Variants in AUTS2 observed in about 807,000 individuals in gnomAD.
AUTS2 encodes the protein activator of transcription and developmental regulator AUTS2.
Under a neutral mutation model 112.4 loss-of-function variants are expected in AUTS2, and 17 were observed. The observed-to-expected ratio is 0.15, with a 90% CI of 0.10 to 0.23. The LOEUF is 0.23. AUTS2 is among the 10% of genes least tolerant of loss of function. AUTS2 has a pLI of 1.00. For synonymous variants in AUTS2, 751 were observed against 702.7 expected (o/e 1.07, Z -1.09); for missense variants, 1,510 against 1,701.6 (o/e 0.89, Z 1.98).
intron 5 of AUTS2, among the ~76,000 whole-genome samples, chr7:70,656,882 A>G (rs988679323): frequency 4.0e-5 from 6 of 150,794 alleles, no homozygotes; most frequent in African/African-American, 1.5e-4. Context: ...TGCAAATGTC[A>G]CTCACATCCT....
chr7:70,355,610 T>G (rs1791971343), intron 4 of AUTS2, among the ~76,000 whole-genome samples: 1 of 152,046 alleles, frequency 6.6e-6, no homozygotes, highest in Non-Finnish European at 1.5e-5. Flanking sequence ...GCCCCTCTGT[T>G]AAGCACTTCT....
intron 5 of AUTS2, among the ~76,000 whole-genome samples, chr7:70,552,918 T>A (rs976390745): frequency 6.6e-6 from 1 of 152,222 alleles, no homozygotes; most frequent in Non-Finnish European, 1.5e-5. Flanking sequence ...ACCATCTGAA[T>A]AATCAAATAG....
chr7:69,780,802 A>G (rs966756702), intron 1 of AUTS2, among the ~76,000 whole-genome samples: 2 of 152,198 alleles, frequency 1.3e-5, no homozygotes, highest in African/African-American at 4.8e-5. Context: ...CTCTTACTTC[A>G]TTGCTATTCC....
At chr7:70,660,420 C>T (rs1357222633) in intron 5 of AUTS2, among the ~76,000 whole-genome samples, 1 of 152,206 alleles carries the variant, frequency 6.6e-6, no homozygotes, top group Non-Finnish European at 1.5e-5. Context: ...GCTCCGTGCA[C>T]AGCTTCTCAA....
intron 4 of AUTS2, among the ~76,000 whole-genome samples, chr7:70,282,616 C>T (rs1788273296): frequency 6.6e-6 from 1 of 152,166 alleles, no homozygotes; most frequent in African/African-American, 2.4e-5. Flanking sequence ...CTCCTAATAC[C>T]ATCACCTTGG....
Position 69,766,769 on chromosome 7 carries a change from G to C in AUTS2, c.310-132517G>C, listed in dbSNP as rs117788686. Among the ~76,000 whole-genome samples the C allele has an allele frequency of 5.8e-4, 88 of 152,292 alleles. 1 individual carries two copies. The East Asian group carries it at 0.015, about 26-fold the overall frequency. ...TCTCAGGATCTGGGCCTAACCAGTG[G>C]TGTTGAATCTTAGAAAGACTGAGCT... On this transcript the variant is annotated intron_variant, in intron 1 of 18. Transcript: ENST00000342771.
rs769240551 is a variant in AUTS2 at position 70,787,303 on chromosome 7, G to A, written c.2403G>A (p.Pro801=). The A allele has an allele frequency of 9.9e-6, 16 of 1,614,224 alleles. No individual in the cohort carries two copies. Among genetic ancestry groups the A allele is most frequent in the East Asian group, 2.2e-5 (1 of 44,882 alleles). ...GGAACCGGCTGCACCGAACGCCTCC[G>A]TCGTTCCCGACCCCTCCGCCCTGGC... ...EPWNRLHRTP[P]SFPTPPPWLK... The change falls in exon 18 of 19, where the codon CCG becomes CCA. Residue 801 remains proline (P), a synonymous_variant. Transcript: ENST00000342771.
At chr7:69,981,899 G>T (rs1244903977) in intron 2 of AUTS2, among the ~76,000 whole-genome samples, 1 of 152,144 alleles carries the variant, frequency 6.6e-6, no homozygotes, top group Non-Finnish European at 1.5e-5. Flanking sequence ...CCAGTTGTTT[G>T]TGACGGTTGC....
chr7:70,686,723 G>C (rs148209587), intron 5 of AUTS2, among the ~76,000 whole-genome samples: 1 of 151,788 alleles, frequency 6.6e-6, no homozygotes, highest in South Asian at 2.1e-4. Flanking sequence ...AGTAGAGATG[G>C]GGTTTTACCA....
intron 3 of AUTS2, among the ~76,000 whole-genome samples, chr7:70,128,066 T>A (rs1361634468): frequency 6.6e-6 from 1 of 152,166 alleles, no homozygotes; most frequent in Non-Finnish European, 1.5e-5. Context: ...TTGTTATAAT[T>A]AGATTAGGAA....
intron 4 of AUTS2, among the ~76,000 whole-genome samples, chr7:70,353,951 A>G (rs1042457994): frequency 6.6e-6 from 1 of 152,244 alleles, no homozygotes; most frequent in African/African-American, 2.4e-5. Flanking sequence ...TGAATGTTAA[A>G]TGCCACCGGT....
chr7:70,657,441 T>C (rs1806831191), intron 5 of AUTS2, among the ~76,000 whole-genome samples: 1 of 152,190 alleles, frequency 6.6e-6, no homozygotes, highest in Non-Finnish European at 1.5e-5. Flanking sequence ...GCTCTTTTTA[T>C]AGCAAGGCAG....
intron 2 of AUTS2, among the ~76,000 whole-genome samples, chr7:70,070,496 T>C (rs2129562330): frequency 6.6e-6 from 1 of 151,730 alleles, no homozygotes; most frequent in East Asian, 1.9e-4. Context: ...GGAGAATCGC[T>C]TGAACCCGGG....
intron 13 of AUTS2, chr7:70,776,686 CA>C (rs1224350894): frequency 3.1e-5 from 8 of 255,960 alleles, no homozygotes; most frequent in Non-Finnish European, 6.1e-5. Context: ...TGATTTGACT[CA>C]CAGACATTCA....
At chr7:69,742,061 G>C (rs1198139283) in intron 1 of AUTS2, among the ~76,000 whole-genome samples, 3 of 149,518 alleles carry the variant, frequency 2.0e-5, no homozygotes, top group Non-Finnish European at 4.4e-5. Flanking sequence ...CTCAGCCTCT[G>C]AAAGTGCTGG....
chr7:70,615,995 C>A (rs778839805), intron 5 of AUTS2, among the ~76,000 whole-genome samples: 2 of 152,124 alleles, frequency 1.3e-5, no homozygotes, highest in Non-Finnish European at 2.9e-5. Flanking sequence ...TCTGCCCACC[C>A]TGGCCTCCCA....
intron 5 of AUTS2, among the ~76,000 whole-genome samples, chr7:70,669,891 G>A (rs1038531413): frequency 6.6e-6 from 1 of 152,198 alleles, no homozygotes; most frequent in African/African-American, 2.4e-5. Flanking sequence ...TAGGGAATGT[G>A]CCTTTCTAAA....
At chr7:70,706,212 G>C (rs919230598) in intron 6 of AUTS2, among the ~76,000 whole-genome samples, 3 of 152,156 alleles carry the variant, frequency 2.0e-5, no homozygotes, top group African/African-American at 4.8e-5. Flanking sequence ...TCAGCCGCAG[G>C]TTTCTTTGTT....
intron 5 of AUTS2, among the ~76,000 whole-genome samples, chr7:70,466,924 G>A (rs531704833): frequency 7.2e-5 from 11 of 152,196 alleles, no homozygotes; most frequent in Non-Finnish European, 1.5e-4. Context: ...CTGTTACCCA[G>A]GTGAGAGAGG....
Sources: gnomAD v4.1 joint callset for allele counts (sites outside exome capture counted in the v4.1 genomes callset) on GRCh38, gnomAD v4.1.1 for gene constraint, MANE v1.5 for transcripts, NCBI Gene and HGNC (gene_info 2026-07-23, HGNC 2026-07-21) for gene names.